The following PRH1 variants were observed in gnomAD, a reference collection of about 807,000 sequenced individuals.
The protein encoded by PRH1 is proline rich protein HaeIII subfamily 1, also known as salivary acidic proline-rich phosphoprotein 1/2.
A neutral mutation model predicts 7.9 loss-of-function variants in PRH1; 7 were observed. The observed-to-expected ratio is 0.89, with a 90% CI of 0.50 to 1.67. PRH1 has a LOEUF of 1.67. Ranked by LOEUF, PRH1 falls within the 40% of genes most tolerant of loss-of-function variation. The probability of loss-of-function intolerance (pLI) is 0.00; values close to 1 mark genes in which losing one functional copy is unlikely to be tolerated. For synonymous variants in PRH1, 45 were observed against 80.8 expected, an observed-to-expected ratio of 0.56 and a Z score of 2.38; for missense variants, 109 against 223.6, an observed-to-expected ratio of 0.49 and a Z score of 3.27.
intron 1 of PRH1, among the ~76,000 whole-genome samples, chr12:10,982,864 C>CTA (rs1009668884): frequency 9.3e-5 from 14 of 149,876 alleles, no homozygotes; most frequent in South Asian, 2.2e-4. Context: ...GCATGTTGCC[C>CTA]TATATATATA....
intron 1 of PRH1, among the ~76,000 whole-genome samples, chr12:11,017,532 C>T (rs1452383986): frequency 2.0e-5 from 3 of 151,964 alleles, no homozygotes; most frequent in East Asian, 1.9e-4. Context: ...TTGCCCAGGC[C>T]GGAATGCAGT....
At chr12:10,944,596 T>G (rs1950456912) in intron 2 of PRH1, among the ~76,000 whole-genome samples, 1 of 151,986 alleles carries the variant, frequency 6.6e-6, no homozygotes, top group Non-Finnish European at 1.5e-5. Context: ...CAATACTATG[T>G]TGAAAAGAAA....
chr12:10,979,119 G>T (rs929575821), intron 1 of PRH1, among the ~76,000 whole-genome samples: 5 of 152,044 alleles, frequency 3.3e-5, no homozygotes, highest in Non-Finnish European at 7.4e-5. Flanking sequence ...GGGCAGGAGG[G>T]GGGTGAGGAT....
intron 1 of PRH1, among the ~76,000 whole-genome samples, chr12:11,113,531 G>T (rs1336914795): frequency 6.6e-6 from 1 of 152,210 alleles, no homozygotes; most frequent in East Asian, 1.9e-4. Context: ...ACTGAAACTG[G>T]ACCCCTTCCT....
rs1273749838 is a variant in PRH1, at chr12:11,090,683, T to C, written n.124-43495A>G. On this transcript the variant is annotated intron_variant and non_coding_transcript_variant, in intron 1 of 4. Coordinates refer to the PRH1 transcript ENST00000541977. ...GCATATGCTTCTCACTCAAATTCTA[T>C]TGTGTGCATTGTTTTCTAACAATAA... Among the ~76,000 whole-genome samples, 12 of 118,126 alleles carry C rather than the reference T, an allele frequency of 1.0e-4. 3 individuals carry two copies. The highest frequency in any genetic ancestry group is 1.1e-4 in the African/African-American group (4 of 35,080). 77.5% of individuals were successfully genotyped at this position (118,126 alleles called of 152,430 possible). A position where few individuals can be genotyped will look rare whatever the true frequency, so the allele number is the denominator to read the frequency against.
intron 1 of PRH1, among the ~76,000 whole-genome samples, chr12:11,100,635 C>G (rs1945207342): frequency 6.6e-6 from 1 of 152,126 alleles, no homozygotes; most frequent in South Asian, 2.1e-4. Flanking sequence ...AATAGTAAAA[C>G]AGTACTTAAA....
chr12:11,107,425 C>G (rs1326207450), intron 1 of PRH1, among the ~76,000 whole-genome samples: 4 of 152,154 alleles, frequency 2.6e-5, no homozygotes. Context: ...GTTGTACAAG[C>G]AAGAATGACC....
downstream of PRH1, among the ~76,000 whole-genome samples, chr12:11,118,993 C>CAAAA (rs3983928): frequency 2.6e-5 from 2 of 75,578 alleles, no homozygotes; most frequent in African/African-American, 1.1e-4. Flanking sequence ...GACTCCATCT[C>CAAAA]AAAAAAAAAA....
At chr12:11,127,811 T>A (rs190143540) in intron 1 of PRH1, among the ~76,000 whole-genome samples, 1 of 152,244 alleles carries the variant, frequency 6.6e-6, no homozygotes, top group Non-Finnish European at 1.5e-5. Context: ...TTAATTAAAA[T>A]ACTCAACTAT....
intron 1 of PRH1, among the ~76,000 whole-genome samples, chr12:11,156,174 C>T (rs555679288): frequency 5.3e-5 from 8 of 152,258 alleles, no homozygotes; most frequent in East Asian, 3.9e-4. Flanking sequence ...TCCTTTGAAA[C>T]GCACTGAAAA....
chr12:10,948,122 G>A (rs1950515857), intron 2 of PRH1, among the ~76,000 whole-genome samples: 1 of 152,092 alleles, frequency 6.6e-6, no homozygotes, highest in Non-Finnish European at 1.5e-5. Context: ...ATGATCTTGT[G>A]TAGAATCTTG....
chr12:11,039,788 A>T (rs1265717933), intron 1 of PRH1, among the ~76,000 whole-genome samples: 1 of 152,222 alleles, frequency 6.6e-6, no homozygotes, highest in East Asian at 1.9e-4. Context: ...TGTATAACTT[A>T]TTGTTTACAA....
chr12:11,026,233 C>T (rs1941907105), intron 1 of PRH1, among the ~76,000 whole-genome samples: 2 of 152,092 alleles, frequency 1.3e-5, no homozygotes, highest in African/African-American at 4.8e-5. Context: ...ACGGAGTTTC[C>T]ACATGTTGTG....
chr12:11,115,988 C>A (rs1429064782), downstream of PRH1, among the ~76,000 whole-genome samples: 2 of 151,718 alleles, frequency 1.3e-5, no homozygotes, highest in African/African-American at 4.8e-5. Flanking sequence ...TCTTAAATAA[C>A]TGAAAAAACA....
intron 1 of PRH1, among the ~76,000 whole-genome samples, chr12:11,097,524 C>A (rs796587067): frequency 8.7e-6 from 1 of 114,538 alleles, no homozygotes; most frequent in Non-Finnish European, 2.1e-5. Flanking sequence ...GATTCACTGA[C>A]GGTCATCCAT....
At chr12:11,063,716 C>T (rs2708377) in intron 1 of PRH1, among the ~76,000 whole-genome samples, 113,321 of 151,910 alleles carry the variant, frequency 0.75, 44,716 homozygotes, top group East Asian at 0.96. Context: ...AAAGCAAAAA[C>T]AGATGGGAAA....
rs759035560 is a variant in PRH1, at chr12:11,062,326, G to C, written n.124-15138C>G. On this transcript the variant is annotated intron_variant and non_coding_transcript_variant, in intron 1 of 4. Coordinates refer to the PRH1 transcript ENST00000541977. ...ACAGACAAAAAGAAATTTTTAAAAT[G>C]CTGGTGTAATATCACTGGTTGTGAT... The C allele has an allele frequency of 4.5e-6, 7 of 1,562,294 alleles. No individual in the cohort carries two copies. The Admixed American group carries it at 1.4e-4, about 30-fold the overall frequency.
At chr12:11,150,276 T>A (rs2136423919) in intron 1 of PRH1, among the ~76,000 whole-genome samples, 1 of 151,976 alleles carries the variant, frequency 6.6e-6, no homozygotes, top group South Asian at 2.1e-4. Context: ...TCCTCAGGGA[T>A]CTAGAGCTAG....
intron 2 of PRH1, among the ~76,000 whole-genome samples, chr12:10,951,786 T>C (rs1402852622): frequency 6.6e-6 from 1 of 152,262 alleles, no homozygotes; most frequent in Non-Finnish European, 1.5e-5. Flanking sequence ...TCTCTGTATA[T>C]GAATATTTGG....
Sources: gnomAD v4.1 joint callset for allele counts (sites outside exome capture counted in the v4.1 genomes callset) on GRCh38, gnomAD v4.1.1 for gene constraint, MANE v1.5 for transcripts, NCBI Gene and HGNC (gene_info 2026-07-23, HGNC 2026-07-21) for gene names.